Variants in RHBDD1 observed in about 807,000 individuals in gnomAD.
The protein encoded by RHBDD1 is rhomboid-related protein 4.
Under a neutral mutation model 36.3 loss-of-function variants are expected in RHBDD1, and 38 were observed. The observed-to-expected ratio is 1.05, with a 90% CI of 0.81 to 1.37. RHBDD1 has a LOEUF of 1.37. Among genes scored for constraint, RHBDD1 ranks in the 40% most tolerant of loss-of-function variants. The pLI is 0.00. For synonymous variants in RHBDD1, 151 were observed against 136.5 expected (o/e 1.11, Z -0.74); for missense variants, 393 against 377.6 (o/e 1.04, Z -0.34).
At chr2:226,988,590 A>G in intron 8 of RHBDD1, 1 of 1,371,674 alleles carries the variant, frequency 7.3e-7, no homozygotes, top group East Asian at 2.8e-5. Flanking sequence ...ACATCAGAAG[A>G]GGCCGGGGGC....
At chr2:226,849,181 T>TC (rs1208918651) in intron 3 of RHBDD1, among the ~76,000 whole-genome samples, 1 of 152,216 alleles carries the variant, frequency 6.6e-6, no homozygotes, top group African/African-American at 2.4e-5. Context: ...GAGACTTAGA[T>TC]TAAGTGACGT....
In RHBDD1 at chr2:226,906,872, G is replaced by A. The variant is rs1247265683; in HGVS notation, c.646G>A (p.Ala216Thr). 3.7e-6 allele frequency: 6 copies of A among 1,614,144 alleles called. No individual in the cohort carries two copies. The highest frequency in any genetic ancestry group is 5.1e-6 in the Non-Finnish European group (6 of 1,179,986). ...AGGGCCTCTGAAGAAAATCATGGAA[G>A]CATGTGCAGGTACAGAATAAAACAC... ...TQGPLKKIME[A>T]CAGGFSSSVG... Residue 216 changes from alanine to threonine, a missense_variant, in exon 6 of 9, where the codon GCA (alanine) becomes ACA (threonine). By Grantham distance (58) the Ala-to-Thr change is moderately conservative. Transcript: ENST00000392062.
rs867962144 is a variant in RHBDD1 at position 226,946,843 on chromosome 2, A to G, written c.856+32492A>G. ...CAATAACAAGTTCTGAAATGTATGT[A>G]TCCAGCAGCACATCAAAAGCTTATT... On this transcript the variant is annotated intron_variant, in intron 8 of 8. Coordinates refer to ENST00000392062, the MANE Select transcript of RHBDD1 (RefSeq NM_001167608.3). Among the ~76,000 whole-genome samples the G allele has an allele frequency of 1.4e-4, 21 of 152,240 alleles. 1 individual carries two copies. Among genetic ancestry groups the G allele is most frequent in the Admixed American group, 1.4e-3 (21 of 15,280 alleles).
intron 5 of RHBDD1, among the ~76,000 whole-genome samples, chr2:226,880,579 C>T (rs150729677): frequency 6.6e-6 from 1 of 152,298 alleles, no homozygotes; most frequent in Non-Finnish European, 1.5e-5. Flanking sequence ...TTAATCAACT[C>T]TCCCTTTGAA....
chr2:226,845,737 C>T (rs746222581), intron 3 of RHBDD1, among the ~76,000 whole-genome samples: 7 of 152,178 alleles, frequency 4.6e-5, no homozygotes, highest in Non-Finnish European at 1.5e-5. Flanking sequence ...GACAGCCTTT[C>T]GTGTTAAATT....
rs552464785 is a variant in RHBDD1 at position 226,930,544 on chromosome 2, G to A, written c.856+16193G>A. Among the ~76,000 whole-genome samples, 127 of 152,010 alleles carry A rather than the reference G, an allele frequency of 8.4e-4. 1 individual carries two copies. The highest frequency in any genetic ancestry group is 1.3e-3 in the Non-Finnish European group (87 of 67,884). On this transcript the variant is annotated intron_variant, in intron 8 of 8. Coordinates refer to ENST00000392062, the MANE Select transcript of RHBDD1 (RefSeq NM_001167608.3). ...ACCTGAAACCATAAGAATTCTAGAAGAAAACCTAGGAAAAACTTCCCTGGA... is the reference window on the plus strand; with the variant it reads ...ACCTGAAACCATAAGAATTCTAGAAAAAAACCTAGGAAAAACTTCCCTGGA...
At chr2:226,925,691 T>C (rs1386220699) in intron 8 of RHBDD1, among the ~76,000 whole-genome samples, 1 of 152,218 alleles carries the variant, frequency 6.6e-6, no homozygotes, top group Non-Finnish European at 1.5e-5. Flanking sequence ...TTAGTTACTG[T>C]ATAAGGCACT....
chr2:226,987,095 C>T (rs1194254672), intron 8 of RHBDD1, among the ~76,000 whole-genome samples: 1 of 152,186 alleles, frequency 6.6e-6, no homozygotes, highest in East Asian at 1.9e-4. Flanking sequence ...CCAAACACCG[C>T]ATGTTCTCGC....
intron 3 of RHBDD1, among the ~76,000 whole-genome samples, chr2:226,849,678 C>T (rs1942598255): frequency 6.6e-6 from 1 of 152,248 alleles, no homozygotes; most frequent in Non-Finnish European, 1.5e-5. Flanking sequence ...GACTCCCTTG[C>T]CCTGTGGGCA....
At chr2:226,954,525 A>T (rs1348065777) in intron 8 of RHBDD1, among the ~76,000 whole-genome samples, 1 of 152,218 alleles carries the variant, frequency 6.6e-6, no homozygotes, top group African/African-American at 2.4e-5. Flanking sequence ...AGCCGCTAGC[A>T]AACAAGTTGC....
intron 8 of RHBDD1, among the ~76,000 whole-genome samples, chr2:226,925,490 A>G (rs1210432738): frequency 1.3e-5 from 2 of 152,338 alleles, no homozygotes; most frequent in Middle Eastern, 3.4e-3. Flanking sequence ...ACAAAATAGT[A>G]TGTACCATAT....
At chr2:226,804,673 C>G in the RHBDD1 span, 1 of 152,184 alleles carries the variant, frequency 6.6e-6, no homozygotes, top group Non-Finnish European at 1.5e-5. Flanking sequence ...ATGCCCTCAA[C>G]AGATGATTTC....
the RHBDD1 span, among the ~76,000 whole-genome samples, chr2:226,826,339 C>T: frequency 3.9e-5 from 6 of 152,042 alleles, no homozygotes; most frequent in South Asian, 2.1e-4. Context: ...TTCTCAGTTC[C>T]GTTAGATTAA....
chr2:226,889,427 A>G (rs919960649), intron 5 of RHBDD1, among the ~76,000 whole-genome samples: 1 of 152,246 alleles, frequency 6.6e-6, no homozygotes, highest in East Asian at 1.9e-4. Flanking sequence ...AAGAACCAAC[A>G]GTAAAATAAG....
intron 5 of RHBDD1, among the ~76,000 whole-genome samples, chr2:226,901,900 A>G (rs781123985): frequency 9.2e-5 from 14 of 152,188 alleles, no homozygotes; most frequent in Non-Finnish European, 1.9e-4. Context: ...AGATACATGT[A>G]TTTTATGTGT....
chr2:226,920,122 A>T (rs929446542), intron 8 of RHBDD1, among the ~76,000 whole-genome samples: 1 of 151,896 alleles, frequency 6.6e-6, no homozygotes, highest in Non-Finnish European at 1.5e-5. Context: ...ATAAATAAAT[A>T]AAAACTTGTA....
chr2:226,869,358 A>T (rs1944596638), intron 5 of RHBDD1: 1 of 195,332 alleles, frequency 5.1e-6, no homozygotes, highest in African/African-American at 2.4e-5. Context: ...AGACTACGCT[A>T]AACACTGGCC....
intron 5 of RHBDD1, among the ~76,000 whole-genome samples, chr2:226,871,112 T>G (rs1427713531): frequency 6.6e-6 from 1 of 152,236 alleles, no homozygotes; most frequent in Non-Finnish European, 1.5e-5. Context: ...GCTAGATTGA[T>G]CAAATGAGAG....
intron 8 of RHBDD1, among the ~76,000 whole-genome samples, chr2:226,968,208 G>A (rs928821587): frequency 2.0e-5 from 3 of 152,148 alleles, no homozygotes; most frequent in African/African-American, 7.2e-5. Flanking sequence ...ACCCAGAGGG[G>A]ATATTACCTG....
Sources: allele counts gnomAD v4.1 joint callset (sites outside exome capture counted in the v4.1 genomes callset), GRCh38; gene constraint gnomAD v4.1.1; transcripts MANE v1.5; gene names NCBI Gene and HGNC (gene_info 2026-07-23, HGNC 2026-07-21).